The following NSF variants were observed in gnomAD, a reference collection of about 807,000 sequenced individuals.
NSF encodes N-ethylmaleimide sensitive factor, vesicle fusing ATPase.
A neutral mutation model predicts 50.3 loss-of-function variants in NSF; 14 were observed. The observed-to-expected ratio is 0.28, with a 90% CI of 0.18 to 0.44. NSF has a LOEUF of 0.44. Ranked by LOEUF, NSF falls within the 20% of genes least tolerant of loss-of-function variation. NSF has a pLI of 1.00. For missense variants in NSF, 218 were observed against 504.3 expected, an observed-to-expected ratio of 0.43 and a Z score of 5.44; for synonymous variants, 109 against 175.7, an observed-to-expected ratio of 0.62 and a Z score of 3.00.
chr17:46,657,890 C>T (rs1165130937), intron 8 of NSF, among the ~76,000 whole-genome samples: 1 of 86,568 alleles, frequency 1.2e-5, no homozygotes, highest in African/African-American at 5.4e-5. Context: ...TAGCCTCCTC[C>T]TGTTGAGCAT....
chr17:46,743,079 C>T (rs1023515827), intron 17 of NSF, among the ~76,000 whole-genome samples: 1 of 152,114 alleles, frequency 6.6e-6, no homozygotes. Context: ...ACCCCACTGC[C>T]ATGACTCCTT....
At chr17:46,712,930 C>T (rs1009831574) in intron 14 of NSF, among the ~76,000 whole-genome samples, 1 of 152,058 alleles carries the variant, frequency 6.6e-6, no homozygotes, top group Non-Finnish European at 1.5e-5. Flanking sequence ...GAAAAAGATA[C>T]CAAAATGTTT....
rs1339867630 is a variant in NSF at position 46,756,930 on chromosome 17, C to T, written c.*1107C>T. The T allele has an allele frequency of 3.3e-5, 5 of 152,570 alleles. No individual in the cohort carries two copies. Among genetic ancestry groups the T allele is most frequent in the Non-Finnish European group, 1.5e-5 (1 of 68,040 alleles). 9.5% of individuals were successfully genotyped at this position (152,570 alleles called of 1,614,324 possible). On this transcript the variant is annotated 3_prime_UTR_variant, in exon 21 of 21. Coordinates refer to ENST00000398238, the MANE Select transcript of NSF (RefSeq NM_006178.4). ...CTTTTGAGGGTGATTTGTCTTACAA[C>T]TGACTGACTTAGCAGGAATTTAATT...
chr17:46,724,646 T>C (rs1395336865), intron 15 of NSF, among the ~76,000 whole-genome samples: 1 of 152,232 alleles, frequency 6.6e-6, no homozygotes, highest in Non-Finnish European at 1.5e-5. Flanking sequence ...TGCTTTGTTA[T>C]AATTACATGT....
At chr17:46,732,119 T>C (rs565710243) in intron 17 of NSF, among the ~76,000 whole-genome samples, 21 of 152,234 alleles carry the variant, frequency 1.4e-4, no homozygotes, top group Non-Finnish European at 2.4e-4. Context: ...AAATATTTAT[T>C]ACTGGTAAGA....
chr17:46,755,684 G>T (rs1477941991), intron 20 of NSF, 118 bp from the exon 21 acceptor site: 2 of 1,135,506 alleles, frequency 1.8e-6, no homozygotes, highest in Admixed American at 2.6e-5. Flanking sequence ...CAAATGCATA[G>T]TGGGAAATGT....
chr17:46,743,775 C>T (rs2059100724), intron 17 of NSF, among the ~76,000 whole-genome samples: 1 of 152,214 alleles, frequency 6.6e-6, no homozygotes, highest in Admixed American at 6.5e-5. Flanking sequence ...CTGCCAGAAC[C>T]CTCTTCTCCA....
At chr17:46,736,886 A>G (rs2059011778) in intron 17 of NSF, among the ~76,000 whole-genome samples, 1 of 152,192 alleles carries the variant, frequency 6.6e-6, no homozygotes, top group Non-Finnish European at 1.5e-5. Context: ...TGGGAAACCC[A>G]CCTGGCACTT....
chr17:46,601,847 A>G (rs2057913571), intron 1 of NSF, among the ~76,000 whole-genome samples: 1 of 151,026 alleles, frequency 6.6e-6, no homozygotes, highest in African/African-American at 2.5e-5. Context: ...TTTCCGTATG[A>G]ATTCTGGGAA....
At chr17:46,735,395 C>T (rs1009462680) in intron 17 of NSF, among the ~76,000 whole-genome samples, 5 of 151,804 alleles carry the variant, frequency 3.3e-5, no homozygotes, top group African/African-American at 1.2e-4. Flanking sequence ...TCGTAGTAGT[C>T]CATGGGTGCC....
chr17:46,735,383 C>T (rs2058991670), intron 17 of NSF, among the ~76,000 whole-genome samples: 5 of 151,634 alleles, frequency 3.3e-5, no homozygotes, highest in Admixed American at 3.3e-4. Flanking sequence ...GGGATTATAA[C>T]GTCGTAGTAG....
chr17:46,707,536 C>G (rs909527335), intron 13 of NSF, among the ~76,000 whole-genome samples: 1 of 152,022 alleles, frequency 6.6e-6, no homozygotes, highest in African/African-American at 2.4e-5. Context: ...AATAATAACT[C>G]TTTTTTCCCT....
chr17:46,740,515 C>G (rs190777848), intron 17 of NSF, among the ~76,000 whole-genome samples: 27 of 152,232 alleles, frequency 1.8e-4, no homozygotes, highest in African/African-American at 6.5e-4. Flanking sequence ...TAGGGAAAAT[C>G]TACTGTGGAT....
intron 15 of NSF, among the ~76,000 whole-genome samples, chr17:46,721,235 C>T (rs2058827874): frequency 6.6e-6 from 1 of 152,216 alleles, no homozygotes; most frequent in South Asian, 2.1e-4. Flanking sequence ...CCTTTGCATG[C>T]AAGAGAGGTT....
chr17:46,610,029 C>CTTTCTTTCTT (rs528412035), intron 1 of NSF, among the ~76,000 whole-genome samples: 5 of 88,930 alleles, frequency 5.6e-5, no homozygotes, highest in African/African-American at 1.9e-4. Context: ...TTCTTTCTTT[C>CTTTCTTTCTT]TCTCTCTCTC....
chr17:46,755,721 G>GTT, intron 20 of NSF, 81 bp from the exon 21 acceptor site: 1 of 1,030,732 alleles, frequency 9.7e-7, no homozygotes, highest in Non-Finnish European at 1.4e-6. Context: ...AGCTTTTAGT[G>GTT]ATTTTTTTTT....
At chr17:46,731,422 G>A (rs999867814) in intron 17 of NSF, among the ~76,000 whole-genome samples, 9 of 152,118 alleles carry the variant, frequency 5.9e-5, no homozygotes, top group African/African-American at 2.2e-4. Flanking sequence ...GATTTTGGTG[G>A]TGTTGTGTAT....
chr17:46,753,552 G>GA (rs1243337743), intron 19 of NSF, among the ~76,000 whole-genome samples: 4 of 151,416 alleles, frequency 2.6e-5, no homozygotes, highest in Admixed American at 2.6e-4. Context: ...CTCTTTCCTT[G>GA]AAAAAAAGAT....
chr17:46,602,736 T>C (rs2057925375), intron 1 of NSF, among the ~76,000 whole-genome samples: 1 of 147,140 alleles, frequency 6.8e-6, no homozygotes, highest in African/African-American at 2.6e-5. Flanking sequence ...TGTGTCAAAT[T>C]TTTAAATTTA....
Sources: allele counts gnomAD v4.1 joint callset (sites outside exome capture counted in the v4.1 genomes callset), GRCh38; gene constraint gnomAD v4.1.1; transcripts MANE v1.5; gene names NCBI Gene and HGNC (gene_info 2026-07-23, HGNC 2026-07-21).